CBL: variants seen among roughly 807,000 people sequenced by gnomAD.
CBL encodes E3 ubiquitin-protein ligase CBL.
A neutral mutation model predicts 96.9 loss-of-function variants in CBL; 45 were observed. The ratio of observed to expected loss-of-function variants is 0.46; its 90% CI spans 0.37 to 0.60. The LOEUF is 0.60. CBL is among the 20% of genes least tolerant of loss of function. The probability of loss-of-function intolerance (pLI) is 0.00; values close to 1 mark genes in which losing one functional copy is unlikely to be tolerated. For synonymous variants in CBL, 420 were observed against 426.8 expected (o/e 0.98, Z 0.20); for missense variants, 1,024 against 1,143.5 (o/e 0.90, Z 1.51).
At position 119,285,375 on chromosome 11, in the gene CBL, A is replaced by G. The variant is rs1251176334; in HGVS notation, c.1750A>G (p.Ser584Gly). Residue 584 changes from serine (S) to glycine (G), a missense_variant, in exon 11 of 16, where the codon AGC becomes GGC. Ser to Gly is a moderately conservative substitution (Grantham distance 56). Around this residue, in one of 4 missense-constraint regions of CBL, gnomAD observed 695 missense variants for 661.6 expected, o/e 1.05. Coordinates refer to ENST00000264033, the MANE Select transcript of CBL (RefSeq NM_005188.4). ...AGACAAACTGCCCCCTGTCCCCTCTAGCCGCCTTGGAGACTCATGGCTGCC... is the reference window on the plus strand; with the variant it reads ...AGACAAACTGCCCCCTGTCCCCTCTGGCCGCCTTGGAGACTCATGGCTGCC... ...SRDKLPPVPS[S>G]RLGDSWLPRP... The G allele has an allele frequency of 4.3e-6, 7 of 1,614,084 alleles. No homozygotes were observed. Among genetic ancestry groups the G allele is most frequent in the Non-Finnish European group, 5.9e-6 (7 of 1,179,996 alleles).
intron 2 of CBL, among the ~76,000 whole-genome samples, chr11:119,238,568 A>T (rs1592380145): frequency 6.6e-6 from 1 of 152,048 alleles, no homozygotes; most frequent in African/African-American, 2.4e-5. Context: ...GGTGGTTCAC[A>T]CCTGTAATGC....
At chr11:119,254,872 G>A (rs1949698570) in intron 2 of CBL, among the ~76,000 whole-genome samples, 2 of 152,170 alleles carry the variant, frequency 1.3e-5, no homozygotes. Context: ...AAAGTGCTGG[G>A]ATTACAGGTG....
chr11:119,271,894 A>G lies in CBL; in HGVS notation c.590+13A>G, dbSNP rs1592397401. The G allele has an allele frequency of 6.2e-7, 1 of 1,613,264 alleles. No individual in the cohort carries two copies. Among genetic ancestry groups the G allele is most frequent in the East Asian group, 2.2e-5 (1 of 44,836 alleles). ...CTTTTGGGGAAAAGTAAGTCTCAGA[A>G]TAATGAATTTGAACTATGAAAAACT... is the stretch of plus-strand genomic sequence containing the variant. On this transcript the variant is annotated intron_variant, in intron 3 of 15. Transcript: ENST00000264033.
At chr11:119,246,729 G>C (rs1041897147) in intron 2 of CBL, among the ~76,000 whole-genome samples, 7 of 152,242 alleles carry the variant, frequency 4.6e-5, no homozygotes, top group Admixed American at 2.0e-4. Flanking sequence ...TGGGATTACA[G>C]GTGTGAGCCA....
At chr11:119,279,794 A>T (rs1949919888) in intron 9 of CBL, among the ~76,000 whole-genome samples, 1 of 152,256 alleles carries the variant, frequency 6.6e-6, no homozygotes, top group African/African-American at 2.4e-5. Flanking sequence ...CAGAGCACTT[A>T]AATTCTGTGG....
chr11:119,292,418 C>CT (rs1301693658), intron 12 of CBL, among the ~76,000 whole-genome samples: 1 of 133,216 alleles, frequency 7.5e-6, no homozygotes, highest in Non-Finnish European at 1.6e-5. Flanking sequence ...ACTTTATTTT[C>CT]TTTTTTTCTT....
intron 2 of CBL, among the ~76,000 whole-genome samples, chr11:119,257,917 T>C (rs1424928877): frequency 6.6e-6 from 1 of 152,152 alleles, no homozygotes; most frequent in Admixed American, 6.6e-5. Context: ...ATTAGTCCAT[T>C]CTTGTACTGC....
At chr11:119,249,096 C>T (rs1047226178) in intron 2 of CBL, among the ~76,000 whole-genome samples, 2 of 152,126 alleles carry the variant, frequency 1.3e-5, no homozygotes, top group Non-Finnish European at 2.9e-5. Flanking sequence ...TAGGTACATA[C>T]CCCAAAGAAT....
chr11:119,294,742 GATCACGCCGCTGC>G (rs1181455670), intron 12 of CBL, among the ~76,000 whole-genome samples: 1 of 150,450 alleles, frequency 6.6e-6, no homozygotes, highest in Non-Finnish European at 1.5e-5. Context: ...AGTGAGCCTA[GATCACGCCGCTGC>G]ACTCCAGCCT....
chr11:119,206,602 T>C lies in CBL; in HGVS notation c.185T>C (p.Leu62Pro). The change falls in exon 1 of 16, where the codon CTC becomes CCC. Residue 62 changes from leucine to proline, a missense_variant. Physicochemically the swap from Leu to Pro is moderately conservative, Grantham distance 98. Coordinates refer to ENST00000264033, the MANE Select transcript of CBL (RefSeq NM_005188.4). ...DKKMVEKCWK[L>P]MDKVVRLCQN... is the part of the protein sequence containing the mutation. ...AAGATGGTGGAGAAGTGCTGGAAGC[T>C]CATGGACAAGGTGAAAGGCCGGCTG... 2 of 1,547,682 alleles carry C rather than the reference T, an allele frequency of 1.3e-6. No individual in the cohort carries two copies. The highest frequency in any genetic ancestry group is 1.7e-6 in the Non-Finnish European group (2 of 1,145,924).
intron 9 of CBL, among the ~76,000 whole-genome samples, chr11:119,281,174 T>C (rs1028345083): frequency 1.3e-5 from 2 of 152,188 alleles, no homozygotes; most frequent in African/African-American, 4.8e-5. Context: ...ACACTACTTG[T>C]CACCCTGAGG....
In CBL at chr11:119,271,786, A is replaced by G. The variant is rs764992632; in HGVS notation, c.495A>G (p.Leu165=). The G allele has an allele frequency of 1.5e-5, 24 of 1,613,830 alleles. No homozygotes were observed. The highest frequency in any genetic ancestry group is 2.0e-5 in the Non-Finnish European group (24 of 1,179,850). The change falls in exon 3 of 16, where the codon CTA becomes CTG. Residue 165 remains leucine (L), a synonymous_variant. Coordinates refer to ENST00000264033, the MANE Select transcript of CBL (RefSeq NM_005188.4). ...SLIFSHMLAE[L]KGIFPSGLFQ... ...TCTTCAGCCACATGCTGGCAGAACT[A>G]AAAGGAATCTTTCCAAGTGGACTCT...
rs762062705 is a variant in CBL at position 119,206,615 on chromosome 11, G to A, written c.195+3G>A. The stretch of plus-strand genomic sequence containing the variant: ...AGTGCTGGAAGCTCATGGACAAGGT[G>A]AAAGGCCGGCTGAGCGCCCGCTGTT... On this transcript the variant is annotated splice_donor_region_variant and intron_variant, in intron 1 of 15. Transcript: ENST00000264033. The A allele has an allele frequency of 4.5e-6, 7 of 1,546,926 alleles. No individual in the cohort carries two copies. The highest frequency in any genetic ancestry group is 4.1e-5 in the African/African-American group (3 of 72,542).
chr11:119,257,432 G>A (rs1476987698), intron 2 of CBL, among the ~76,000 whole-genome samples: 2 of 152,094 alleles, frequency 1.3e-5, no homozygotes, highest in Non-Finnish European at 2.9e-5. Flanking sequence ...TATTTATGTT[G>A]TTTGCCCACT....
At position 119,271,747 on chromosome 11, in the gene CBL, C is replaced by G; in HGVS notation, c.456C>G (p.Thr152=). The change falls in exon 3 of 16, where the codon ACC becomes ACG. Residue 152 remains threonine (T), a synonymous_variant. Transcript: ENST00000264033. The part of the protein sequence containing the change: ...EENSQPRRNL[T]KLSLIFSHML... ...TGATCATTTGTAGGCGAAACCTAAC[C>G]AAACTGTCCCTCATCTTCAGCCACA... 1.2e-6 allele frequency: 2 copies of G among 1,613,874 alleles called. No homozygotes were observed. The highest frequency in any genetic ancestry group is 1.1e-5 in the South Asian group (1 of 91,052).
intron 2 of CBL, among the ~76,000 whole-genome samples, chr11:119,241,100 T>G (rs1041747696): frequency 7.9e-5 from 12 of 152,054 alleles, no homozygotes; most frequent in African/African-American, 2.7e-4. Flanking sequence ...TAAAAAAGAA[T>G]GTACATAATT....
rs530389160 is a variant in CBL at position 119,281,587 on chromosome 11, C to T, written c.1431+2874C>T. Reference sequence around the variant, plus strand: ...TCGGCTCACTGCAACCTCTGCCTCCCGGGTTCACACCATTCTCCTGCCTCA... The same window carrying T: ...TCGGCTCACTGCAACCTCTGCCTCCTGGGTTCACACCATTCTCCTGCCTCA... On this transcript the variant is annotated intron_variant, in intron 9 of 15. Coordinates refer to ENST00000264033, the MANE Select transcript of CBL (RefSeq NM_005188.4). Among the ~76,000 whole-genome samples, 13 of 151,726 alleles carry T rather than the reference C, an allele frequency of 8.6e-5. No individual in the cohort carries two copies. The South Asian group carries it at 1.7e-3, about 19-fold the overall frequency.
intron 1 of CBL, among the ~76,000 whole-genome samples, chr11:119,215,175 T>A (rs764661167): frequency 6.6e-6 from 1 of 152,056 alleles, no homozygotes; most frequent in African/African-American, 2.4e-5. Context: ...CTCCGTTTTG[T>A]GAGTTTGGTT....
intron 2 of CBL, among the ~76,000 whole-genome samples, chr11:119,256,177 T>C (rs937751448): frequency 9.9e-5 from 15 of 151,776 alleles, no homozygotes; most frequent in African/African-American, 3.6e-4. Flanking sequence ...TTCTACTTGA[T>C]AGTATTTGTA....
Sources: allele counts gnomAD v4.1 joint callset (sites outside exome capture counted in the v4.1 genomes callset), GRCh38; gene constraint gnomAD v4.1.1; regional missense constraint gnomAD v4.1.1; transcripts MANE v1.5; gene names NCBI Gene and HGNC (gene_info 2026-07-23, HGNC 2026-07-21).